DPP10: variants seen among roughly 807,000 people sequenced by gnomAD.
The protein encoded by DPP10 is dipeptidyl peptidase like 10, also known as inactive dipeptidyl peptidase 10.
DPP10 carries 33 observed loss-of-function variants against 120.9 expected under a neutral mutation model. That is an observed-to-expected ratio of 0.27 (90% CI 0.21 to 0.37). The LOEUF is 0.37. Among genes scored for constraint, DPP10 ranks in the 10% least tolerant of loss-of-function variants. The pLI, the probability that DPP10 is intolerant of heterozygous loss-of-function variation, is 1.00. For synonymous variants in DPP10, 337 were observed against 326.1 expected (o/e 1.03, Z -0.36); for missense variants, 816 against 942.8 (o/e 0.87, Z 1.76).
intron 1 of DPP10, among the ~76,000 whole-genome samples, chr2:114,926,920 G>A (rs1366631078): frequency 1.4e-5 from 2 of 147,328 alleles, no homozygotes; most frequent in Non-Finnish European, 3.0e-5. Context: ...GTGCGATCTC[G>A]GCTCTCTGCA....
At chr2:114,525,911 C>T (rs996403962) in intron 1 of DPP10, among the ~76,000 whole-genome samples, 3 of 152,256 alleles carry the variant, frequency 2.0e-5, no homozygotes, top group Admixed American at 2.0e-4. Flanking sequence ...GTATTCTTTC[C>T]AACTCCTAAA....
intron 1 of DPP10, among the ~76,000 whole-genome samples, chr2:115,279,245 A>G (rs2060041611): frequency 6.6e-6 from 1 of 152,220 alleles, no homozygotes; most frequent in African/African-American, 2.4e-5. Context: ...ATGAATTTGA[A>G]ATAGACACAA....
chr2:115,563,764 TA>T (rs1651270830), intron 5 of DPP10, among the ~76,000 whole-genome samples: 1 of 152,064 alleles, frequency 6.6e-6, no homozygotes, highest in African/African-American at 2.4e-5. Flanking sequence ...TGACAGAAAA[TA>T]GCAAATATGT....
intron 1 of DPP10, among the ~76,000 whole-genome samples, chr2:114,507,661 G>A (rs1401749370): frequency 6.6e-6 from 1 of 151,298 alleles, no homozygotes; most frequent in African/African-American, 2.5e-5. Context: ...GTTGGTGGTT[G>A]GGGACAGAGA....
rs186095862 is a variant in DPP10 at position 114,650,147 on chromosome 2, G to T, written c.60+207309G>T. Among the ~76,000 whole-genome samples, 147 of 152,248 alleles carry T rather than the reference G, an allele frequency of 9.7e-4. 1 individual carries two copies. The highest frequency in any genetic ancestry group is 6.7e-3 in the Admixed American group (102 of 15,288). On this transcript the variant is annotated intron_variant, in intron 1 of 25. Coordinates refer to ENST00000410059, the MANE Select transcript of DPP10 (RefSeq NM_020868.6). ...TCTGTATTCCAGTTTGTGAAGTACG[G>T]TGTTTTGATTGGTCACACCTGAGTC...
At chr2:115,683,822 A>G (rs1486726842) in intron 5 of DPP10, among the ~76,000 whole-genome samples, 1 of 151,956 alleles carries the variant, frequency 6.6e-6, no homozygotes, top group African/African-American at 2.4e-5. Flanking sequence ...ATGTTGTATC[A>G]TAGTAAAGTC....
chr2:114,452,456 C>T (rs112642633), intron 1 of DPP10, among the ~76,000 whole-genome samples: 2 of 152,042 alleles, frequency 1.3e-5, no homozygotes, highest in African/African-American at 4.8e-5. Context: ...AATCATAAAA[C>T]TTTAAATATT....
chr2:115,382,423 A>C (rs1277390007), intron 3 of DPP10, among the ~76,000 whole-genome samples: 1 of 152,136 alleles, frequency 6.6e-6, no homozygotes, highest in African/African-American at 2.4e-5. Context: ...CGGCTCGCGC[A>C]CAGTGCGCGC....
chr2:115,666,119 C>T (rs2089434745), intron 5 of DPP10, among the ~76,000 whole-genome samples: 1 of 152,074 alleles, frequency 6.6e-6, no homozygotes, highest in Non-Finnish European at 1.5e-5. Context: ...TTCAGTTTCC[C>T]TCATAAGTGA....
chr2:114,789,582 G>T (rs1425405654), intron 1 of DPP10, among the ~76,000 whole-genome samples: 1 of 152,138 alleles, frequency 6.6e-6, no homozygotes, highest in Non-Finnish European at 1.5e-5. Context: ...GATCCCCAGG[G>T]ATTCACATGC....
intron 1 of DPP10, among the ~76,000 whole-genome samples, chr2:114,578,655 A>G (rs1444670512): frequency 6.6e-6 from 1 of 152,166 alleles, no homozygotes; most frequent in African/African-American, 2.4e-5. Context: ...CTGACTGCAA[A>G]CCAGTTCTCA....
intron 1 of DPP10, among the ~76,000 whole-genome samples, chr2:114,847,956 TC>T: frequency 6.6e-6 from 1 of 152,264 alleles, no homozygotes; most frequent in Non-Finnish European, 1.5e-5. Context: ...GACAGGAAAC[TC>T]AACAGGTGTT....
rs779946423 is a variant in DPP10, at chr2:115,836,643, T to G, written c.2110-31T>G. The G allele has an allele frequency of 3.1e-6, 5 of 1,610,340 alleles. No individual in the cohort carries two copies. The South Asian group carries it at 3.3e-5, about 11-fold the overall frequency. On this transcript the variant is annotated intron_variant, in intron 23 of 25. Transcript: ENST00000410059. ...TAGTTAAATGGCTTATTTAGATCTA[T>G]AGATACAGATATTTGTATTTTCCTT...
At chr2:115,301,649 C>T (rs1051670376) in intron 1 of DPP10, among the ~76,000 whole-genome samples, 4 of 151,846 alleles carry the variant, frequency 2.6e-5, no homozygotes, top group African/African-American at 4.8e-5. Context: ...TTTAGTGAGT[C>T]GCTAGTAGTT....
At chr2:115,100,459 AAC>A (rs142076600) in intron 1 of DPP10, among the ~76,000 whole-genome samples, 29 of 150,432 alleles carry the variant, frequency 1.9e-4, no homozygotes, top group Middle Eastern at 3.4e-3. Flanking sequence ...TAAATTAAAA[AAC>A]ACACACACAC....
intron 1 of DPP10, among the ~76,000 whole-genome samples, chr2:115,278,966 C>G (rs2060029600): frequency 6.6e-6 from 1 of 152,062 alleles, no homozygotes. Flanking sequence ...GCTGCCATCA[C>G]CATAATGAAA....
chr2:114,465,093 C>T (rs1679245862), intron 1 of DPP10, among the ~76,000 whole-genome samples: 1 of 152,082 alleles, frequency 6.6e-6, no homozygotes, highest in South Asian at 2.1e-4. Flanking sequence ...CAATCATGGG[C>T]GTTGGACTCA....
Position 115,371,607 on chromosome 2 carries a change from A to G in DPP10, c.271+27695A>G, listed in dbSNP as rs74500849. On this transcript the variant is annotated intron_variant, in intron 3 of 25. Coordinates refer to ENST00000410059, the MANE Select transcript of DPP10 (RefSeq NM_020868.6). ...CCATACTCTGAGTTACTTAAATTGT[A>G]TTTATCATTCCCAGTATTATTTTTT... Among the ~76,000 whole-genome samples the G allele has an allele frequency of 4.4e-4, 67 of 152,166 alleles. 3 individuals are homozygous for G. In the East Asian group the frequency reaches 9.4e-3, roughly 21 times the overall value.
chr2:115,541,516 T>C (rs1450402660), intron 5 of DPP10, among the ~76,000 whole-genome samples: 1 of 151,808 alleles, frequency 6.6e-6, no homozygotes, highest in East Asian at 1.9e-4. Flanking sequence ...GAGAGAGATT[T>C]TTAAAATTTA....
Sources: allele counts gnomAD v4.1 joint callset (sites outside exome capture counted in the v4.1 genomes callset), GRCh38; gene constraint gnomAD v4.1.1; transcripts MANE v1.5; gene names NCBI Gene and HGNC (gene_info 2026-07-23, HGNC 2026-07-21).